The following RASGRF2 variants were observed in gnomAD, a reference collection of about 807,000 sequenced individuals.
RASGRF2 encodes the protein ras-specific guanine nucleotide-releasing factor 2.
A neutral mutation model predicts 151.0 loss-of-function variants in RASGRF2; 76 were observed. The ratio of observed to expected loss-of-function variants is 0.50; its 90% CI spans 0.42 to 0.61. The LOEUF (loss-of-function observed/expected upper bound fraction) is 0.61, where lower values mean the gene tolerates loss of function less well. RASGRF2 is among the 20% of genes least tolerant of loss of function. The pLI is 0.00. For synonymous variants in RASGRF2, 504 were observed against 566.5 expected (o/e 0.89, Z 1.57); for missense variants, 1,148 against 1,564.6 (o/e 0.73, Z 4.49).
chr5:81,179,713 A>G (rs1227556481), intron 17 of RASGRF2, among the ~76,000 whole-genome samples: 1 of 152,202 alleles, frequency 6.6e-6, no homozygotes, highest in Admixed American at 6.5e-5. Context: ...GCTTCTCAGT[A>G]CAGGGATGCA....
At chr5:81,016,062 G>C (rs368307986) in intron 1 of RASGRF2, among the ~76,000 whole-genome samples, 47 of 152,288 alleles carry the variant, frequency 3.1e-4, no homozygotes, top group African/African-American at 1.1e-3. Flanking sequence ...TCAGTCAGTG[G>C]CTCTGAAGCT....
intron 1 of RASGRF2, among the ~76,000 whole-genome samples, chr5:81,041,010 A>T (rs1750660624): frequency 1.3e-5 from 2 of 152,186 alleles, no homozygotes; most frequent in Admixed American, 1.3e-4. Context: ...CGACTTAAAA[A>T]TGTCTGAGAT....
chr5:81,117,762 A>C (rs1403023216), intron 15 of RASGRF2, among the ~76,000 whole-genome samples: 1 of 152,238 alleles, frequency 6.6e-6, no homozygotes, highest in African/African-American at 2.4e-5. Flanking sequence ...GTGAGACTCA[A>C]GACATGATTC....
At chr5:81,100,266 G>A (rs1348002431) in intron 12 of RASGRF2, among the ~76,000 whole-genome samples, 2 of 152,248 alleles carry the variant, frequency 1.3e-5, no homozygotes, top group East Asian at 3.9e-4. Flanking sequence ...CTAAGCTACT[G>A]TATTGTATTA....
intron 17 of RASGRF2, among the ~76,000 whole-genome samples, chr5:81,163,946 T>C (rs1055317863): frequency 6.6e-6 from 1 of 152,182 alleles, no homozygotes; most frequent in Non-Finnish European, 1.5e-5. Context: ...TGTTAATATG[T>C]GTAAATTGCT....
chr5:81,215,338 T>A (rs923675354), intron 23 of RASGRF2, among the ~76,000 whole-genome samples: 3 of 146,642 alleles, frequency 2.0e-5, no homozygotes, highest in Non-Finnish European at 4.5e-5. Flanking sequence ...TGGCGCAATC[T>A]CGGCTCACTG....
chr5:81,215,984 C>T, intron 24 of RASGRF2, 29 bp downstream of exon 24: 2 of 1,455,760 alleles, frequency 1.4e-6, no homozygotes, highest in African/African-American at 3.0e-5. Flanking sequence ...TTAAATTATT[C>T]ATAATTCAGA....
intron 17 of RASGRF2, among the ~76,000 whole-genome samples, chr5:81,173,651 T>C (rs989118277): frequency 6.6e-6 from 1 of 152,208 alleles, no homozygotes. Context: ...TTACTTAACC[T>C]CATCATGTCT....
chr5:81,126,818 T>G (rs1753467301), intron 16 of RASGRF2, among the ~76,000 whole-genome samples: 1 of 152,222 alleles, frequency 6.6e-6, no homozygotes, highest in Admixed American at 6.5e-5. Context: ...TGTTTCTACT[T>G]TTTGGCTACT....
At chr5:81,210,509 T>C (rs1238519384) in intron 22 of RASGRF2, among the ~76,000 whole-genome samples, 1 of 151,984 alleles carries the variant, frequency 6.6e-6, no homozygotes, top group Non-Finnish European at 1.5e-5. Flanking sequence ...ACAAGTGGAG[T>C]TATACACCTG....
At chr5:81,045,688 A>G (rs1490758295) in intron 2 of RASGRF2, among the ~76,000 whole-genome samples, 1 of 127,756 alleles carries the variant, frequency 7.8e-6, no homozygotes, top group South Asian at 2.4e-4. Flanking sequence ...GTTCTTTGAT[A>G]ATTTCTTTTA....
At chr5:81,070,672 G>C in intron 4 of RASGRF2, 91 bp downstream of exon 4, 1 of 1,124,754 alleles carries the variant, frequency 8.9e-7, no homozygotes, top group Non-Finnish European at 1.3e-6. Flanking sequence ...CGTGAGCCGG[G>C]AGCAGCCTTG....
rs1236146302 is a variant in RASGRF2, at chr5:81,225,986, A to G, written c.*216A>G. ...TTGGGTGGGAAGGTGAAAGATGGCTATTTAGAAAGCTGGTGGCACGTTTTA... is the reference window on the plus strand; with the variant it reads ...TTGGGTGGGAAGGTGAAAGATGGCTGTTTAGAAAGCTGGTGGCACGTTTTA... On this transcript the variant is annotated 3_prime_UTR_variant, in exon 27 of 27. Transcript: ENST00000265080. The G allele has an allele frequency of 8.9e-6, 4 of 447,494 alleles. No individual in the cohort carries two copies. The highest frequency in any genetic ancestry group is 6.2e-5 in the African/African-American group (3 of 48,738). 27.7% of individuals were successfully genotyped at this position (447,494 alleles called of 1,614,324 possible). A position where few individuals can be genotyped will look rare whatever the true frequency, so the allele number is the denominator to read the frequency against.
intron 16 of RASGRF2, 87 bp from the exon 17 acceptor site, chr5:81,126,987 T>G: frequency 7.0e-7 from 1 of 1,428,330 alleles, no homozygotes; most frequent in Non-Finnish European, 9.7e-7. Flanking sequence ...GTCCTTCATC[T>G]GGTGCAGGAA....
chr5:81,196,089 T>G (rs1755258754), intron 18 of RASGRF2, among the ~76,000 whole-genome samples: 1 of 152,090 alleles, frequency 6.6e-6, no homozygotes, highest in Admixed American at 6.5e-5. Context: ...CGAAACCCCA[T>G]CTCTACAAAA....
intron 2 of RASGRF2, among the ~76,000 whole-genome samples, chr5:81,047,719 A>G (rs552306458): frequency 6.6e-6 from 1 of 152,378 alleles, no homozygotes; most frequent in African/African-American, 2.4e-5. Context: ...CCTGACGAGC[A>G]GAGAGACTTT....
chr5:81,119,474 C>G (rs1753246137), intron 15 of RASGRF2, among the ~76,000 whole-genome samples: 1 of 152,246 alleles, frequency 6.6e-6, no homozygotes, highest in Admixed American at 6.5e-5. Context: ...GGTCTCACCT[C>G]TCAACACTGT....
intron 18 of RASGRF2, among the ~76,000 whole-genome samples, chr5:81,195,997 G>A (rs1172992441): frequency 1.3e-5 from 2 of 152,230 alleles, no homozygotes; most frequent in African/African-American, 2.4e-5. Flanking sequence ...CGTGGCTCAC[G>A]CGTGTAACTG....
chr5:81,143,853 G>C (rs1276717973), intron 17 of RASGRF2, among the ~76,000 whole-genome samples: 1 of 149,654 alleles, frequency 6.7e-6, no homozygotes, highest in Admixed American at 6.7e-5. Flanking sequence ...TAGTGCCACT[G>C]TATTCCAGCC....
Sources: allele counts gnomAD v4.1 joint callset (sites outside exome capture counted in the v4.1 genomes callset), GRCh38; gene constraint gnomAD v4.1.1; transcripts MANE v1.5; gene names NCBI Gene and HGNC (gene_info 2026-07-23, HGNC 2026-07-21).